LHPP: variants seen among roughly 807,000 people sequenced by gnomAD.
LHPP encodes phospholysine phosphohistidine inorganic pyrophosphate phosphatase.
Under a neutral mutation model 30.3 loss-of-function variants are expected in LHPP, and 24 were observed. The observed-to-expected ratio is 0.79, with a 90% CI of 0.57 to 1.11. The LOEUF (loss-of-function observed/expected upper bound fraction) is 1.11. Ranked by LOEUF, LHPP falls within the 50% of genes most tolerant of loss-of-function variation. LHPP has a pLI of 0.00. For missense variants in LHPP, 356 were observed against 367.2 expected (o/e 0.97, Z 0.25); for synonymous variants, 150 against 157.1 (o/e 0.95, Z 0.34).
At chr10:124,522,317 C>T (rs1406129459) in intron 6 of LHPP, among the ~76,000 whole-genome samples, 7 of 152,190 alleles carry the variant, frequency 4.6e-5, no homozygotes, top group African/African-American at 1.7e-4. Flanking sequence ...GCGCATTGGA[C>T]ATGGCTGCTC....
At position 124,465,262 on chromosome 10, in the gene LHPP, C is replaced by T. The variant is rs115340780; in HGVS notation, c.125+3275C>T. Among the ~76,000 whole-genome samples the T allele has an allele frequency of 7.1e-3, 1,078 of 151,878 alleles. 16 individuals are homozygous for T. Among genetic ancestry groups the T allele is most frequent in the African/African-American group, 0.023 (965 of 41,382 alleles). On this transcript the variant is annotated intron_variant, in intron 1 of 6. Coordinates refer to ENST00000368842, the MANE Select transcript of LHPP (RefSeq NM_022126.4). ...AAGACCTCAGGAAGAGAGCACTTGG[C>T]GAGTTCGAGGGCGTGGGGTGGGGGA...
At chr10:124,490,323 A>C in intron 3 of LHPP, 1 of 251,312 alleles carries the variant, frequency 4.0e-6, no homozygotes, top group East Asian at 1.2e-4. Context: ...CACGCTCTCC[A>C]GGGGCAGATG....
intron 1 of LHPP, 144 bp from the exon 2 acceptor site, chr10:124,483,995 C>A: frequency 1.5e-6 from 1 of 689,504 alleles, no homozygotes; most frequent in Non-Finnish European, 2.4e-6. Context: ...CATCCTGGAT[C>A]AGCCAGGACC....
At chr10:124,507,895 G>T (rs1169852879) in intron 5 of LHPP, among the ~76,000 whole-genome samples, 103 of 99,448 alleles carry the variant, frequency 1.0e-3, no homozygotes, top group African/African-American at 3.5e-3. Context: ...ATTTCAGGTC[G>T]GGGGGGTAGA....
At chr10:124,607,213 G>A (rs1949106737) in intron 6 of LHPP, among the ~76,000 whole-genome samples, 1 of 152,166 alleles carries the variant, frequency 6.6e-6, no homozygotes. Context: ...TGACATCTCT[G>A]AGGTCCACAG....
rs112909705 is a variant in LHPP, at chr10:124,490,246, G to A, written c.467+1671G>A. 591 of 181,770 alleles carry A rather than the reference G, an allele frequency of 3.3e-3. 7 individuals are homozygous for A. The highest frequency in any genetic ancestry group is 0.013 in the African/African-American group (558 of 41,954). 11.3% of individuals were successfully genotyped at this position (181,770 alleles called of 1,614,324 possible). A position where few individuals can be genotyped will look rare whatever the true frequency, so the allele number is the denominator to read the frequency against. On this transcript the variant is annotated intron_variant, in intron 3 of 6. Coordinates refer to ENST00000368842, the MANE Select transcript of LHPP (RefSeq NM_022126.4). ...TCCCCACTTGTGGGTCTTGCAGGTCGGTCACGCTCCAGACCTTTAGGCCGC... is the reference window on the plus strand; with the variant it reads ...TCCCCACTTGTGGGTCTTGCAGGTCAGTCACGCTCCAGACCTTTAGGCCGC...
chr10:124,487,501 G>C (rs1398561327), intron 2 of LHPP, among the ~76,000 whole-genome samples: 2 of 149,550 alleles, frequency 1.3e-5, no homozygotes, highest in African/African-American at 4.9e-5. Context: ...GGAATACAGT[G>C]GTGCAATCTC....
rs2133900208 is a variant in LHPP, at chr10:124,510,078, G to T, written c.625-7102G>T. Among the ~76,000 whole-genome samples the T allele has an allele frequency of 1.3e-5, 2 of 152,166 alleles. No homozygotes were observed. The highest frequency in any genetic ancestry group is 6.8e-3 in the Middle Eastern group (2 of 294). On this transcript the variant is annotated intron_variant, in intron 5 of 6. Transcript: ENST00000368842. This position sits in a 1 kb window ranked among gnomAD's most constrained non-coding sequence, Gnocchi z 4.0. Reference sequence around the variant, plus strand: ...CCTCCATCCGGCTCTCTGGATCCTGGGTTCTGGGGGGTCCGACCTTTCATT... The same window carrying T: ...CCTCCATCCGGCTCTCTGGATCCTGTGTTCTGGGGGGTCCGACCTTTCATT...
intron 5 of LHPP, among the ~76,000 whole-genome samples, chr10:124,516,823 A>C (rs1954467295): frequency 6.6e-6 from 1 of 152,210 alleles, no homozygotes; most frequent in Non-Finnish European, 1.5e-5. Context: ...AGGGCAAATA[A>C]CCAGGTTACA....
intron 6 of LHPP, among the ~76,000 whole-genome samples, chr10:124,570,220 G>A (rs10901764): frequency 0.48 from 73,105 of 152,070 alleles, 18,129 homozygotes; most frequent in South Asian, 0.66. Context: ...CACAGTGACC[G>A]TCACAGCCCT....
chr10:124,533,286 A>G (rs4962645), intron 6 of LHPP, among the ~76,000 whole-genome samples: 9,186 of 152,296 alleles, frequency 0.06, 402 homozygotes, highest in East Asian at 0.19. Flanking sequence ...CCCAGGGACC[A>G]TGTGCTCTGA....
intron 6 of LHPP, among the ~76,000 whole-genome samples, chr10:124,582,839 T>C (rs1335741372): frequency 7.1e-6 from 1 of 140,932 alleles, no homozygotes; most frequent in Non-Finnish European, 1.6e-5. Flanking sequence ...ACCTTGTCTC[T>C]ATTCAAAAAA....
At chr10:124,519,790 A>G (rs1954561000) in intron 6 of LHPP, among the ~76,000 whole-genome samples, 1 of 152,058 alleles carries the variant, frequency 6.6e-6, no homozygotes, top group South Asian at 2.1e-4. Flanking sequence ...ATGGCTAAGT[A>G]GTATTCCATG....
chr10:124,553,838 G>A, intron 6 of LHPP: 1 of 968,618 alleles, frequency 1.0e-6, no homozygotes, highest in Non-Finnish European at 1.2e-6. Context: ...CCCGGGCCAG[G>A]CCCCTCCTCT....
intron 4 of LHPP, 152 bp from the exon 5 acceptor site, chr10:124,497,884 C>T (rs1953773108): frequency 3.1e-6 from 2 of 655,590 alleles, no homozygotes; most frequent in South Asian, 1.9e-5. Flanking sequence ...TTGTGAGGCT[C>T]CTGCCTGTGA....
chr10:124,546,974 C>T (rs1485205858), intron 6 of LHPP, among the ~76,000 whole-genome samples: 2 of 152,110 alleles, frequency 1.3e-5, no homozygotes, highest in Non-Finnish European at 2.9e-5. Flanking sequence ...TCTTAACCCG[C>T]CTCCCACCCA....
At chr10:124,472,875 TA>T (rs1357053538) in intron 1 of LHPP, among the ~76,000 whole-genome samples, 2 of 152,150 alleles carry the variant, frequency 1.3e-5, no homozygotes, top group Non-Finnish European at 2.9e-5. Context: ...CCATTTTTGT[TA>T]AGAGAAAACA....
chr10:124,588,008 C>T (rs1948827797), intron 6 of LHPP, among the ~76,000 whole-genome samples: 1 of 152,236 alleles, frequency 6.6e-6, no homozygotes, highest in Non-Finnish European at 1.5e-5. Flanking sequence ...CATTGCCCAC[C>T]TCCACTGGCC....
rs74580078 is a variant in LHPP, at chr10:124,597,803, A to C, written c.717-15461A>C. 8.2e-3 allele frequency among the ~76,000 whole-genome samples: 1,243 copies of C among 152,264 alleles called. 16 individuals carry two copies. The highest frequency in any genetic ancestry group is 0.029 in the African/African-American group (1,202 of 41,554). On this transcript the variant is annotated intron_variant, in intron 6 of 6. Coordinates refer to ENST00000368842, the MANE Select transcript of LHPP (RefSeq NM_022126.4). ...GACCTCGGGGGGATCTGGCCGTTGG[A>C]GTGCGCACTGGGAGGGACGGAGTCA...
Sources: gnomAD v4.1 joint callset for allele counts (sites outside exome capture counted in the v4.1 genomes callset) on GRCh38, gnomAD v4.1.1 for gene constraint, Gnocchi (gnomAD v3.1) non-coding constraint, MANE v1.5 for transcripts, NCBI Gene and HGNC (gene_info 2026-07-23, HGNC 2026-07-21) for gene names.